Variants in FAM13B observed in about 807,000 individuals in gnomAD.
FAM13B encodes the protein family with sequence similarity 13 member B.
A neutral mutation model predicts 117.3 loss-of-function variants in FAM13B; 60 were observed. That is an observed-to-expected ratio of 0.51 (90% CI 0.42 to 0.63). The LOEUF (loss-of-function observed/expected upper bound fraction) is 0.63. FAM13B is among the 30% of genes least tolerant of loss of function. FAM13B has a pLI of 0.00. For missense variants in FAM13B, 972 were observed against 1,091.9 expected (o/e 0.89, Z 1.55); for synonymous variants, 332 against 356.1 (o/e 0.93, Z 0.76).
intron 1 of FAM13B, among the ~76,000 whole-genome samples, chr5:138,032,217 G>C (rs1790256557): frequency 6.6e-6 from 1 of 152,162 alleles, no homozygotes; most frequent in South Asian, 2.1e-4. Flanking sequence ...TCCCCCTCCA[G>C]CCTGGCCTAT....
At chr5:137,945,099 TA>T (rs1271652629) in intron 20 of FAM13B, among the ~76,000 whole-genome samples, 1 of 149,700 alleles carries the variant, frequency 6.7e-6, no homozygotes, top group Non-Finnish European at 1.5e-5. Flanking sequence ...GAATCTAAAA[TA>T]AAAGTTAGGA....
chr5:138,024,569 TATTA>T (rs1325451630), intron 1 of FAM13B, among the ~76,000 whole-genome samples: 2 of 99,868 alleles, frequency 2.0e-5, no homozygotes, highest in East Asian at 5.6e-4. Context: ...TAAACTACAA[TATTA>T]CATTCTAAAA....
chr5:138,050,199 A>C (rs1791759821), intron 1 of FAM13B, among the ~76,000 whole-genome samples: 1 of 152,132 alleles, frequency 6.6e-6, no homozygotes, highest in Admixed American at 6.6e-5. Context: ...GCACTTTGAG[A>C]GGCCGAGGCA....
chr5:137,984,550 C>T (rs1032317819), intron 10 of FAM13B, among the ~76,000 whole-genome samples: 4 of 152,130 alleles, frequency 2.6e-5, no homozygotes, highest in African/African-American at 4.8e-5. Flanking sequence ...TGTCTTAAAA[C>T]TTGTTTTTCT....
intron 17 of FAM13B, among the ~76,000 whole-genome samples, chr5:137,952,015 T>C (rs1307807174): frequency 6.6e-6 from 1 of 152,154 alleles, no homozygotes; most frequent in Admixed American, 6.6e-5. Context: ...AAAACTTTAT[T>C]GAGTAAATTT....
chr5:137,939,798 A>T lies in FAM13B; in HGVS notation c.*427T>A. On this transcript the variant is annotated 3_prime_UTR_variant, in exon 24 of 24. Transcript: ENST00000689681. ...AGGCTTTTCTTTCAAATTTTCAGTC[A>T]TTCTGTAAGAAAAAGGCAACAGAAG... 7 of 1,172,548 alleles carry T rather than the reference A, an allele frequency of 6.0e-6. No homozygotes were observed. Among genetic ancestry groups the T allele is most frequent in the Non-Finnish European group, 7.4e-6 (7 of 940,236 alleles). The allele number at this position is 1,172,548 out of a possible 1,614,324, so 72.6% of individuals were successfully genotyped here. A position where few individuals can be genotyped will look rare whatever the true frequency, so the allele number is the denominator to read the frequency against.
chr5:137,943,265 T>C (rs1277023538), intron 20 of FAM13B, 49 bp from the exon 21 acceptor site: 1 of 1,437,942 alleles, frequency 7.0e-7, no homozygotes, highest in African/African-American at 1.4e-5. Context: ...GTATTCAAAG[T>C]GTCCAGTGAA....
chr5:137,990,714 G>A (rs1251631803), intron 7 of FAM13B, among the ~76,000 whole-genome samples: 2 of 152,202 alleles, frequency 1.3e-5, no homozygotes, highest in Admixed American at 1.3e-4. Flanking sequence ...CAGCTACTCA[G>A]GAGGCTGAGT....
At chr5:137,980,244 T>C (rs1179666050) in intron 10 of FAM13B, among the ~76,000 whole-genome samples, 1 of 151,646 alleles carries the variant, frequency 6.6e-6, no homozygotes, top group East Asian at 1.9e-4. Flanking sequence ...TAAACAGGTA[T>C]TATTGTGTAT....
chr5:137,946,495 T>C, intron 18 of FAM13B, 184 bp from the exon 19 acceptor site: 1 of 501,406 alleles, frequency 2.0e-6, no homozygotes, highest in Non-Finnish European at 3.5e-6. Flanking sequence ...TTCAGTCTCC[T>C]GTACAATTTG....
chr5:137,966,478 T>TAG (rs1203765238), intron 10 of FAM13B, among the ~76,000 whole-genome samples: 18 of 64,410 alleles, frequency 2.8e-4, no homozygotes, highest in East Asian at 5.0e-4. Flanking sequence ...TATATATATA[T>TAG]ATATATATAT....
intron 1 of FAM13B, among the ~76,000 whole-genome samples, chr5:138,025,328 T>TG: frequency 7.0e-6 from 1 of 142,114 alleles, no homozygotes. Flanking sequence ...TTTTTTTTTT[T>TG]TTTTTGAGTT....
chr5:138,000,309 G>C (rs1561513275), intron 7 of FAM13B, among the ~76,000 whole-genome samples: 1 of 152,038 alleles, frequency 6.6e-6, no homozygotes, highest in Non-Finnish European at 1.5e-5. Flanking sequence ...TGAGGTGGGA[G>C]GATTGCTTGA....
intron 7 of FAM13B, among the ~76,000 whole-genome samples, chr5:137,992,702 A>G (rs1234616679): frequency 6.6e-6 from 1 of 152,254 alleles, no homozygotes; most frequent in African/African-American, 2.4e-5. Context: ...TAAAGTGACA[A>G]TGAAATACTG....
At chr5:137,986,435 C>CCCT (rs753349065) in intron 9 of FAM13B, among the ~76,000 whole-genome samples, 1 of 145,860 alleles carries the variant, frequency 6.9e-6, no homozygotes, top group Non-Finnish European at 1.5e-5. Flanking sequence ...TTCCCCCCCC[C>CCCT]AAAAAAAATT....
chr5:137,996,889 A>T (rs775681945), intron 7 of FAM13B, among the ~76,000 whole-genome samples: 1 of 152,148 alleles, frequency 6.6e-6, no homozygotes, highest in Non-Finnish European at 1.5e-5. Context: ...CACTGAGCCC[A>T]GCCCAATTTT....
At chr5:137,953,586 C>A (rs1250524341) in intron 15 of FAM13B, 121 bp from the exon 16 acceptor site, 2 of 939,616 alleles carry the variant, frequency 2.1e-6, no homozygotes, top group Non-Finnish European at 3.2e-6. Flanking sequence ...AAGTCCCTAA[C>A]ACTAAAGGAC....
rs76219452 is a variant in FAM13B, at chr5:138,032,030, G to T, written c.-203+752C>A. Among the ~76,000 whole-genome samples, 1,087 of 152,308 alleles carry T rather than the reference G, an allele frequency of 7.1e-3. 5 individuals carry two copies. Among genetic ancestry groups the T allele is most frequent in the Non-Finnish European group, 0.011 (744 of 68,016 alleles). On this transcript the variant is annotated intron_variant, in intron 1 of 23. Coordinates refer to ENST00000689681, the MANE Select transcript of FAM13B (RefSeq NM_001385994.1). Reference sequence around the variant, plus strand: ...CCCAACTTTTTTCACTGATTAGAAGGCGAAACGGGGAACCAAATGAAATAA... The same window carrying T: ...CCCAACTTTTTTCACTGATTAGAAGTCGAAACGGGGAACCAAATGAAATAA...
intron 1 of FAM13B, among the ~76,000 whole-genome samples, chr5:138,025,679 A>G: frequency 6.6e-6 from 1 of 152,142 alleles, no homozygotes; most frequent in East Asian, 1.9e-4. Flanking sequence ...GAAAAATTTA[A>G]TATTGTTGAA....
Sources: gnomAD v4.1 joint callset for allele counts (sites outside exome capture counted in the v4.1 genomes callset) on GRCh38, gnomAD v4.1.1 for gene constraint, MANE v1.5 for transcripts, NCBI Gene and HGNC (gene_info 2026-07-23, HGNC 2026-07-21) for gene names.